KDM4C: variants seen among roughly 807,000 people sequenced by gnomAD.
The protein encoded by KDM4C is lysine-specific demethylase 4C.
A neutral mutation model predicts 129.3 loss-of-function variants in KDM4C; 81 were observed. The ratio of observed to expected loss-of-function variants is 0.63; its 90% CI spans 0.52 to 0.75. The LOEUF (loss-of-function observed/expected upper bound fraction) is 0.75, where lower values mean the gene tolerates loss of function less well. Ranked by LOEUF, KDM4C falls within the 30% of genes least tolerant of loss-of-function variation. KDM4C has a pLI of 0.00. For missense variants in KDM4C, 1,457 were observed against 1,304.0 expected, an observed-to-expected ratio of 1.12 and a Z score of -1.81; for synonymous variants, 573 against 456.1, an observed-to-expected ratio of 1.26 and a Z score of -3.26.
At chr9:6,931,993 G>A (rs1401646721) in intron 8 of KDM4C, among the ~76,000 whole-genome samples, 3 of 152,210 alleles carry the variant, frequency 2.0e-5, no homozygotes, top group African/African-American at 4.8e-5. Flanking sequence ...AGAGGAGTGA[G>A]GACAGAAAAA....
chr9:7,090,911 T>G (rs899145200), intron 17 of KDM4C, among the ~76,000 whole-genome samples: 1 of 152,230 alleles, frequency 6.6e-6, no homozygotes, highest in African/African-American at 2.4e-5. Flanking sequence ...GTACTTTTCT[T>G]GCAAGGGGAA....
At position 6,949,569 on chromosome 9, in the gene KDM4C, G is replaced by A. The variant is rs1023929525; in HGVS notation, c.922-31356G>A. 5.3e-5 allele frequency among the ~76,000 whole-genome samples: 8 copies of A among 152,228 alleles called. No homozygotes were observed. In the South Asian group the frequency reaches 6.2e-4, roughly 12 times the overall value. Reference sequence around the variant, plus strand: ...GGGCACCATTGAGCACTGAGTGAACGAGACTCCATCTGCAATCCCGGCACC... The same window carrying A: ...GGGCACCATTGAGCACTGAGTGAACAAGACTCCATCTGCAATCCCGGCACC... On this transcript the variant is annotated intron_variant, in intron 8 of 21. Coordinates refer to ENST00000381309, the MANE Select transcript of KDM4C (RefSeq NM_015061.6).
intron 8 of KDM4C, among the ~76,000 whole-genome samples, chr9:6,898,005 C>T (rs1816730149): frequency 6.6e-6 from 1 of 152,154 alleles, no homozygotes; most frequent in Non-Finnish European, 1.5e-5. Flanking sequence ...CCGTGACACT[C>T]ACAGGTCTGC....
chr9:7,083,194 A>T (rs536147712), intron 17 of KDM4C, among the ~76,000 whole-genome samples: 1 of 152,294 alleles, frequency 6.6e-6, no homozygotes, highest in East Asian at 1.9e-4. Context: ...TGTTACCAGA[A>T]GTGTTTCAGA....
intron 1 of KDM4C, among the ~76,000 whole-genome samples, chr9:6,790,039 C>T (rs892893663): frequency 2.7e-5 from 4 of 148,944 alleles, no homozygotes; most frequent in African/African-American, 4.9e-5. Flanking sequence ...TTTGGGAGGC[C>T]GAGGCGGGTG....
At chr9:7,155,752 C>G (rs1177436829) in intron 19 of KDM4C, among the ~76,000 whole-genome samples, 6 of 152,332 alleles carry the variant, frequency 3.9e-5, no homozygotes, top group Admixed American at 1.3e-4. Context: ...TTAATCCAGT[C>G]TAACATTGAT....
intron 6 of KDM4C, among the ~76,000 whole-genome samples, chr9:6,882,107 G>A (rs1029569271): frequency 1.3e-5 from 2 of 152,146 alleles, no homozygotes; most frequent in South Asian, 4.1e-4. Flanking sequence ...ATCTAATAAA[G>A]CCAGGAGTTT....
chr9:7,049,469 A>G (rs1056027922), intron 17 of KDM4C, among the ~76,000 whole-genome samples: 1 of 152,108 alleles, frequency 6.6e-6, no homozygotes, highest in South Asian at 2.1e-4. Flanking sequence ...CTTTCAAACT[A>G]TAGGTTATCT....
upstream of KDM4C, chr9:6,757,662 C>T: frequency 1.1e-5 from 11 of 985,506 alleles, no homozygotes; most frequent in Non-Finnish European, 1.3e-5. Flanking sequence ...GCGTCGGCGC[C>T]CAGGAGGACG....
At chr9:7,090,872 T>C (rs189599951) in intron 17 of KDM4C, among the ~76,000 whole-genome samples, 40 of 152,372 alleles carry the variant, frequency 2.6e-4, no homozygotes, top group East Asian at 1.7e-3. Context: ...TCCATTGTTA[T>C]GATTTCTCAT....
intron 1 of KDM4C, among the ~76,000 whole-genome samples, chr9:6,790,567 T>G (rs963181724): frequency 6.6e-6 from 1 of 150,458 alleles, no homozygotes; most frequent in Non-Finnish European, 1.5e-5. Flanking sequence ...CTGCTCTGTT[T>G]TAACCTGTTA....
At chr9:6,987,694 A>G (rs540271188) in intron 11 of KDM4C, among the ~76,000 whole-genome samples, 9 of 152,320 alleles carry the variant, frequency 5.9e-5, no homozygotes, top group African/African-American at 2.2e-4. Flanking sequence ...TAATTAAAAT[A>G]TACTTTTCTG....
chr9:6,776,437 A>G (rs765298519), intron 1 of KDM4C, among the ~76,000 whole-genome samples: 14 of 151,120 alleles, frequency 9.3e-5, no homozygotes, highest in Non-Finnish European at 2.1e-4. Context: ...AATTTTTTGT[A>G]TTTTTAGTAG....
chr9:7,024,051 A>G (rs1029041136), intron 15 of KDM4C, among the ~76,000 whole-genome samples: 1 of 152,250 alleles, frequency 6.6e-6, no homozygotes, highest in African/African-American at 2.4e-5. Context: ...GTGACCTAAC[A>G]TGACCTATCT....
chr9:6,829,564 C>G (rs1171749993), intron 4 of KDM4C, among the ~76,000 whole-genome samples: 1 of 152,204 alleles, frequency 6.6e-6, no homozygotes, highest in Admixed American at 6.5e-5. Context: ...TAAGGAAGCT[C>G]AGACTGAATG....
chr9:6,730,059 G>A (rs1428439818), intron 1 of KDM4C, among the ~76,000 whole-genome samples: 3 of 144,074 alleles, frequency 2.1e-5, no homozygotes, highest in Admixed American at 7.0e-5. Context: ...GCAGTGGGCC[G>A]AGATTGTGCC....
chr9:6,755,821 A>G (rs1432159620), upstream of KDM4C, among the ~76,000 whole-genome samples: 1 of 152,210 alleles, frequency 6.6e-6, no homozygotes, highest in Non-Finnish European at 1.5e-5. Flanking sequence ...CCATGAGTCC[A>G]GTTGATTTTC....
intron 15 of KDM4C, among the ~76,000 whole-genome samples, chr9:7,036,873 A>G (rs1827744808): frequency 6.6e-6 from 1 of 152,200 alleles, no homozygotes. Context: ...GAATTAATGA[A>G]TGAATGTTTT....
intron 5 of KDM4C, among the ~76,000 whole-genome samples, chr9:6,869,549 C>G (rs1842548736): frequency 6.6e-6 from 1 of 152,214 alleles, no homozygotes; most frequent in Admixed American, 6.5e-5. Context: ...GGAGGCAGAA[C>G]TGGGCAGAAG....
Sources: allele counts gnomAD v4.1 joint callset (sites outside exome capture counted in the v4.1 genomes callset), GRCh38; gene constraint gnomAD v4.1.1; transcripts MANE v1.5; gene names NCBI Gene and HGNC (gene_info 2026-07-23, HGNC 2026-07-21).